CADM2: variants seen among roughly 807,000 people sequenced by gnomAD.
CADM2 encodes cell adhesion molecule 2, also known as immunoglobulin superfamily member 4D.
Under a neutral mutation model 49.8 loss-of-function variants are expected in CADM2, and 12 were observed. The ratio of observed to expected loss-of-function variants is 0.24; its 90% CI spans 0.15 to 0.39. The LOEUF (loss-of-function observed/expected upper bound fraction) is 0.39. Ranked by LOEUF, CADM2 falls within the 10% of genes least tolerant of loss-of-function variation. The pLI is 1.00. For missense variants in CADM2, 378 were observed against 492.3 expected (o/e 0.77, Z 2.20); for synonymous variants, 214 against 175.4 (o/e 1.22, Z -1.74).
chr3:85,761,342 A>C (rs970863437), intron 2 of CADM2, among the ~76,000 whole-genome samples: 8 of 151,262 alleles, frequency 5.3e-5, no homozygotes, highest in African/African-American at 2.0e-4. Flanking sequence ...GGTATGAATA[A>C]AAACTGTTGA....
At chr3:84,962,197 A>G (rs1193054265) in intron 1 of CADM2, among the ~76,000 whole-genome samples, 1 of 151,838 alleles carries the variant, frequency 6.6e-6, no homozygotes, top group Non-Finnish European at 1.5e-5. Context: ...GAAAGAGCAC[A>G]AGTCCATCCA....
intron 1 of CADM2, among the ~76,000 whole-genome samples, chr3:85,597,741 C>T (rs559891836): frequency 3.3e-5 from 5 of 152,030 alleles, no homozygotes; most frequent in Admixed American, 6.6e-5. Context: ...TATTAAACTT[C>T]GATAAAAACA....
intron 8 of CADM2, among the ~76,000 whole-genome samples, chr3:86,064,669 C>T (rs1194801978): frequency 6.6e-6 from 1 of 152,108 alleles, no homozygotes; most frequent in Non-Finnish European, 1.5e-5. Context: ...TCATCACTGG[C>T]CATCAGAGAA....
intron 1 of CADM2, among the ~76,000 whole-genome samples, chr3:85,398,268 G>C (rs2034898593): frequency 6.6e-6 from 1 of 150,612 alleles, no homozygotes. Context: ...TTGGTTTTTT[G>C]TCCTTGTGAT....
intron 1 of CADM2, among the ~76,000 whole-genome samples, chr3:85,282,347 C>A (rs1345146339): frequency 1.3e-5 from 2 of 149,468 alleles, no homozygotes; most frequent in Admixed American, 1.3e-4. Flanking sequence ...TGGCAACCTC[C>A]ACCTCTCTGG....
At chr3:84,989,388 A>C (rs996169276) in intron 1 of CADM2, among the ~76,000 whole-genome samples, 2 of 152,158 alleles carry the variant, frequency 1.3e-5, no homozygotes, top group Admixed American at 6.5e-5. Context: ...ATTTAAATAG[A>C]TAAGTCTTTA....
At chr3:85,963,306 A>G (rs967044537) in intron 8 of CADM2, among the ~76,000 whole-genome samples, 1 of 151,948 alleles carries the variant, frequency 6.6e-6, no homozygotes, top group Non-Finnish European at 1.5e-5. Context: ...AATTAGCCTA[A>G]TCCAATTAGA....
intron 3 of CADM2, among the ~76,000 whole-genome samples, chr3:85,835,662 G>A (rs952077290): frequency 6.7e-6 from 1 of 149,052 alleles, no homozygotes; most frequent in African/African-American, 2.5e-5. Flanking sequence ...ATTCCCAAAG[G>A]GCATCTTTGA....
In CADM2 at chr3:85,161,874, G is replaced by A. The variant is rs543024530; in HGVS notation, c.61+202206G>A. On this transcript the variant is annotated intron_variant, in intron 1 of 9. Coordinates refer to ENST00000383699, the MANE Select transcript of CADM2 (RefSeq NM_001167675.2). ...TCTACTAAGGAAACAAAAATTAGCCGGGTATGGTGGCAGTCGCCTATAATC... is the reference window on the plus strand; with the variant it reads ...TCTACTAAGGAAACAAAAATTAGCCAGGTATGGTGGCAGTCGCCTATAATC... Among the ~76,000 whole-genome samples the A allele has an allele frequency of 3.9e-5, 6 of 151,952 alleles. No homozygotes were observed. The East Asian group carries it at 7.8e-4, about 20-fold the overall frequency.
At chr3:86,037,700 A>G (rs1357009631) in intron 8 of CADM2, among the ~76,000 whole-genome samples, 1 of 152,160 alleles carries the variant, frequency 6.6e-6, no homozygotes, top group East Asian at 1.9e-4. Flanking sequence ...AAGAAATTGC[A>G]TTCTTTACTG....
At chr3:85,065,002 G>A (rs2036473511) in intron 1 of CADM2, among the ~76,000 whole-genome samples, 1 of 151,948 alleles carries the variant, frequency 6.6e-6, no homozygotes, top group Non-Finnish European at 1.5e-5. Flanking sequence ...AGAGAGATTT[G>A]GAAAGTTATC....
intron 5 of CADM2, among the ~76,000 whole-genome samples, chr3:85,902,842 C>CT (rs1716302325): frequency 6.6e-6 from 1 of 151,660 alleles, no homozygotes; most frequent in African/African-American, 2.4e-5. Flanking sequence ...GCTGTTTGCT[C>CT]TTTCTCCCAT....
rs572665711 is a variant in CADM2, at chr3:85,012,074, G to T, written c.61+52406G>T. ...TTGAGATATAATGGCGAAGGGCCTG[G>T]TTTTTTTTTTTTCTTTCATATTTTA... On this transcript the variant is annotated intron_variant, in intron 1 of 9. Transcript: ENST00000383699. Among the ~76,000 whole-genome samples the T allele has an allele frequency of 3.9e-3, 565 of 143,750 alleles. 4 individuals carry two copies. The highest frequency in any genetic ancestry group is 9.0e-3 in the Admixed American group (129 of 14,328). 94.3% of individuals were successfully genotyped at this position (143,750 alleles called of 152,430 possible). A position where few individuals can be genotyped will look rare whatever the true frequency, so the allele number is the denominator to read the frequency against.
At position 85,687,930 on chromosome 3, in the gene CADM2, G is replaced by C. The variant is rs538569781; in HGVS notation, c.62-38592G>C. Among the ~76,000 whole-genome samples, 3 of 152,290 alleles carry C rather than the reference G, an allele frequency of 2.0e-5. No homozygotes were observed. The East Asian group carries it at 5.8e-4, about 29-fold the overall frequency. On this transcript the variant is annotated intron_variant, in intron 1 of 9. Coordinates refer to ENST00000383699, the MANE Select transcript of CADM2 (RefSeq NM_001167675.2). ...CTCCTTTCAGATCAGTGATGGCATT[G>C]GGTTCTCATAGGAGCACAAGCCCTA...
At chr3:85,387,249 A>G (rs1335474346) in intron 1 of CADM2, among the ~76,000 whole-genome samples, 1 of 152,138 alleles carries the variant, frequency 6.6e-6, no homozygotes, top group Non-Finnish European at 1.5e-5. Flanking sequence ...CATATAATTA[A>G]CTTCTGTTTT....
At chr3:85,898,951 ATATATTTTT>A (rs1274272157) in intron 5 of CADM2, among the ~76,000 whole-genome samples, 3 of 48,546 alleles carry the variant, frequency 6.2e-5, no homozygotes, top group East Asian at 7.7e-4. Flanking sequence ...ATATATATAT[ATATATTTTT>A]TTTTTTTTTT....
chr3:86,073,243 T>G lies in CADM2; in HGVS notation c.*6460T>G, dbSNP rs919837000. 6.6e-6 allele frequency: 1 copy of G among 152,026 alleles called. No individual in the cohort carries two copies. Among genetic ancestry groups the G allele is most frequent in the Non-Finnish European group, 1.5e-5 (1 of 67,940 alleles). The allele number at this position is 152,026 out of a possible 1,614,324, so 9.4% of individuals were successfully genotyped here. A position where few individuals can be genotyped will look rare whatever the true frequency, so the allele number is the denominator to read the frequency against. On this transcript the variant is annotated 3_prime_UTR_variant, in exon 10 of 10. Coordinates refer to ENST00000383699, the MANE Select transcript of CADM2 (RefSeq NM_001167675.2). ...CGCAGGTGTTCCCAGTAATGTAGCT[T>G]CAAAAATAAAATGTGCTATTTATAT... is the stretch of plus-strand genomic sequence containing the variant.
chr3:86,013,574 T>C, intron 8 of CADM2: 2 of 1,601,930 alleles, frequency 1.2e-6, no homozygotes, highest in Non-Finnish European at 1.7e-6. Context: ...GTGAGAGCTG[T>C]ATTCGAGAAG....
chr3:85,253,652 C>A (rs548379019), intron 1 of CADM2, among the ~76,000 whole-genome samples: 4 of 152,014 alleles, frequency 2.6e-5, no homozygotes, highest in African/African-American at 9.7e-5. Context: ...CCAAGTTTGT[C>A]GCATCCTTCT....
Sources: allele counts gnomAD v4.1 joint callset (sites outside exome capture counted in the v4.1 genomes callset), GRCh38; gene constraint gnomAD v4.1.1; transcripts MANE v1.5; gene names NCBI Gene and HGNC (gene_info 2026-07-23, HGNC 2026-07-21).